The following RDX variants were observed in gnomAD, a reference collection of about 807,000 sequenced individuals.
RDX encodes the protein radixin.
Under a neutral mutation model 83.7 loss-of-function variants are expected in RDX, and 32 were observed. That is an observed-to-expected ratio of 0.38 (90% CI 0.29 to 0.51). The LOEUF is 0.51. RDX is among the 20% of genes least tolerant of loss of function. RDX has a pLI of 0.87. For missense variants in RDX, 600 were observed against 689.9 expected (o/e 0.87, Z 1.46); for synonymous variants, 229 against 222.7 (o/e 1.03, Z -0.25).
At chr11:110,263,250 G>A (rs1470200802) in intron 5 of RDX, 2 of 151,818 alleles carry the variant, frequency 1.3e-5, no homozygotes, top group Non-Finnish European at 2.9e-5. Flanking sequence ...CTGCACTCCA[G>A]CCTGGGTGAC....
intron 10 of RDX, among the ~76,000 whole-genome samples, chr11:110,242,458 T>TAAAAAAAAAAAAAAA (rs1238291398): frequency 7.9e-6 from 1 of 126,016 alleles, no homozygotes; most frequent in Non-Finnish European, 1.7e-5. Context: ...AAAAAAAAAT[T>TAAAAAAAAAAAAAAA]AAAAAAAAAA....
At position 110,209,047 on chromosome 11, in the gene RDX, G is replaced by A. The variant is rs1399831277; in HGVS notation, c.1749-9369C>T. ...TCCCAGCGTGAGCGACGCAGAAGAC[G>A]GGTGATTTCTGCATTTCCATCTGAG... On this transcript the variant is annotated intron_variant, in intron 14 of 15. Transcript: ENST00000528498. Among the ~76,000 whole-genome samples, 12 of 152,276 alleles carry A rather than the reference G, an allele frequency of 7.9e-5. No individual in the cohort carries two copies. The East Asian group carries it at 1.2e-3, about 15-fold the overall frequency.
chr11:110,189,831 C>T (rs1440096159), intron 15 of RDX, among the ~76,000 whole-genome samples: 1 of 152,166 alleles, frequency 6.6e-6, no homozygotes, highest in African/African-American at 2.4e-5. Flanking sequence ...TGCCTGTAAT[C>T]CCACCACTTT....
chr11:110,205,242 T>C (rs756927976), intron 14 of RDX, among the ~76,000 whole-genome samples: 1 of 152,156 alleles, frequency 6.6e-6, no homozygotes, highest in Non-Finnish European at 1.5e-5. Context: ...AAGTTATTTA[T>C]AGCTGGACTA....
At chr11:110,239,709 G>A (rs527843338) in intron 10 of RDX, among the ~76,000 whole-genome samples, 1 of 140,876 alleles carries the variant, frequency 7.1e-6, no homozygotes, top group Admixed American at 6.9e-5. Flanking sequence ...TAAATCCCAG[G>A]ACTTTGGGAT....
At chr11:110,242,810 T>C (rs896247619) in intron 10 of RDX, among the ~76,000 whole-genome samples, 2 of 151,972 alleles carry the variant, frequency 1.3e-5, no homozygotes, top group African/African-American at 4.8e-5. Context: ...TCCAATTAAC[T>C]GAGTTAATAC....
At chr11:110,211,597 C>A (rs1416347440) in intron 14 of RDX, among the ~76,000 whole-genome samples, 1 of 151,078 alleles carries the variant, frequency 6.6e-6, no homozygotes, top group Non-Finnish European at 1.5e-5. Flanking sequence ...AAGCTCTCCT[C>A]AGCAAATGTA....
intron 15 of RDX, among the ~76,000 whole-genome samples, chr11:110,176,925 C>T (rs1048704080): frequency 7.9e-5 from 12 of 152,308 alleles, no homozygotes; most frequent in Non-Finnish European, 1.2e-4. Context: ...AAGGAACCAG[C>T]GCAACATCGC....
rs188335452 is a variant in RDX at position 110,188,547 on chromosome 11, T to C, written c.*31+11034A>G. ...GGGGTGAGGGATAAAAGACTACATA[T>C]TGGGTAACAGTGTACACTGCTCGGG... is the stretch of plus-strand genomic sequence containing the variant. On this transcript the variant is annotated intron_variant, in intron 15 of 15. Transcript: ENST00000528498. Among the ~76,000 whole-genome samples, 209 of 151,962 alleles carry C rather than the reference T, an allele frequency of 1.4e-3. 1 individual carries two copies. The highest frequency in any genetic ancestry group is 4.8e-3 in the African/African-American group (199 of 41,454).
intron 1 of RDX, chr11:110,287,211 C>CAA (rs1002049624): frequency 6.6e-6 from 1 of 151,918 alleles, no homozygotes; most frequent in Admixed American, 6.6e-5. Context: ...GGGCAATCTA[C>CAA]AAAAAATAAA....
intron 15 of RDX, chr11:110,199,465 T>C (rs1389457553): frequency 1.5e-6 from 1 of 650,654 alleles, no homozygotes; most frequent in Non-Finnish European, 2.8e-6. Flanking sequence ...CCACAGGTCC[T>C]GTGGATGAAC....
chr11:110,295,651 A>C (rs1480098602), intron 1 of RDX, among the ~76,000 whole-genome samples: 8 of 151,022 alleles, frequency 5.3e-5, no homozygotes, highest in East Asian at 3.9e-4. Flanking sequence ...TGAAAAAAAA[A>C]AAAAAACAAA....
intron 14 of RDX, among the ~76,000 whole-genome samples, chr11:110,213,108 T>C (rs1863902319): frequency 6.6e-6 from 1 of 151,848 alleles, no homozygotes; most frequent in Non-Finnish European, 1.5e-5. Flanking sequence ...GCCCCAAATC[T>C]CCTTAAGCTG....
In RDX at chr11:110,255,302, T is replaced by C; in HGVS notation, c.782A>G (p.Asp261Gly). The C allele has an allele frequency of 1.9e-6, 3 of 1,566,618 alleles. No individual in the cohort carries two copies. The highest frequency in any genetic ancestry group is 2.6e-6 in the Non-Finnish European group (3 of 1,137,808). Reference protein sequence around the residue: ...NDKKFVIKPIDKKAPDFVFYA... With the variant: ...NDKKFVIKPIGKKAPDFVFYA... ...GAAATTACTTACAGGTGCCTTTTTG[T>C]CGATTGGCTTTATAACAAATTTTTT... Residue 261 changes from aspartate to glycine, a missense_variant, in exon 8 of 14, where the codon GAC becomes GGC. By Grantham distance (94) the Asp-to-Gly change is moderately conservative (BLOSUM62 -1). Coordinates refer to ENST00000645495, the MANE Select transcript of RDX (RefSeq NM_002906.4).
rs537741079 is a variant in RDX at position 110,273,402 on chromosome 11, A to G, written c.13-783T>C. On this transcript the variant is annotated intron_variant, in intron 2 of 13. Coordinates refer to ENST00000645495, the MANE Select transcript of RDX (RefSeq NM_002906.4). ...TACAGTGCTTTATTTGCTAGATTCT[A>G]TTTTTTGTTGTTTTTAGAGACAGGG... 1.2e-3 allele frequency among the ~76,000 whole-genome samples: 176 copies of G among 152,254 alleles called. 2 individuals carry two copies. Among genetic ancestry groups the G allele is most frequent in the Non-Finnish European group, 2.0e-3 (137 of 68,004 alleles).
rs1438932022 is a variant in RDX, at chr11:110,230,139, G to A, written c.*1730C>T. 1 of 152,216 alleles carries A rather than the reference G, an allele frequency of 6.6e-6. No individual in the cohort carries two copies. Among genetic ancestry groups the A allele is most frequent in the Non-Finnish European group, 1.5e-5 (1 of 67,988 alleles). 9.4% of individuals were successfully genotyped at this position (152,216 alleles called of 1,614,324 possible). ...TCAGCAAAATCAAAAAAGCACAAGA[G>A]ATATTTTCAGACACAACTTGAATCT... On this transcript the variant is annotated 3_prime_UTR_variant, in exon 14 of 14. Coordinates refer to ENST00000645495, the MANE Select transcript of RDX (RefSeq NM_002906.4).
chr11:110,282,785 C>T (rs1000616179), intron 1 of RDX, among the ~76,000 whole-genome samples: 1 of 152,130 alleles, frequency 6.6e-6, no homozygotes, highest in Non-Finnish European at 1.5e-5. Context: ...TCAAGACCAG[C>T]CTGGGTAACA....
intron 14 of RDX, among the ~76,000 whole-genome samples, chr11:110,205,314 C>T (rs1279957329): frequency 1.3e-5 from 2 of 148,592 alleles, no homozygotes; most frequent in Admixed American, 6.9e-5. Context: ...ATCTTCATGA[C>T]ATAAAGTGAG....
chr11:110,280,819 C>A (rs1031238166), intron 1 of RDX, among the ~76,000 whole-genome samples: 4 of 152,108 alleles, frequency 2.6e-5, no homozygotes, highest in Admixed American at 6.6e-5. Flanking sequence ...CAGAGCAAGA[C>A]CCTGTCTCAA....
Sources: gnomAD v4.1 joint callset for allele counts (sites outside exome capture counted in the v4.1 genomes callset) on GRCh38, gnomAD v4.1.1 for gene constraint, MANE v1.5 for transcripts, NCBI Gene and HGNC (gene_info 2026-07-23, HGNC 2026-07-21) for gene names.